RIC1: variants seen among roughly 807,000 people sequenced by gnomAD.
The protein encoded by RIC1 is RIC1 partner of RAB6A GEF complex, also known as guanine nucleotide exchange factor subunit RIC1.
RIC1 carries 88 observed loss-of-function variants against 169.0 expected under a neutral mutation model. That is an observed-to-expected ratio of 0.52 (90% CI 0.44 to 0.62). The LOEUF (loss-of-function observed/expected upper bound fraction) is 0.62. Ranked by LOEUF, RIC1 falls within the 20% of genes least tolerant of loss-of-function variation. RIC1 has a pLI of 0.00. For missense variants in RIC1, 1,877 were observed against 1,725.5 expected, an observed-to-expected ratio of 1.09 and a Z score of -1.56; for synonymous variants, 790 against 601.5, an observed-to-expected ratio of 1.31 and a Z score of -4.59.
chr9:5,640,332 AACAC>A (rs1386122346), intron 1 of RIC1, among the ~76,000 whole-genome samples: 1 of 152,216 alleles, frequency 6.6e-6, no homozygotes, highest in African/African-American at 2.4e-5. Flanking sequence ...TAAGCAGTCA[AACAC>A]ACACAAAGTG....
At chr9:5,663,611 T>G (rs1430126257) in intron 2 of RIC1, among the ~76,000 whole-genome samples, 1 of 152,214 alleles carries the variant, frequency 6.6e-6, no homozygotes, top group Non-Finnish European at 1.5e-5. Context: ...AAGTCTGTTT[T>G]GTGAGAAACT....
chr9:5,769,571 G>A (rs1038078016), intron 22 of RIC1: 1 of 809,082 alleles, frequency 1.2e-6, no homozygotes, highest in Non-Finnish European at 1.8e-6. Context: ...AGGAGTTCTG[G>A]AATCAGATAG....
chr9:5,656,829 G>C, intron 2 of RIC1, 139 bp downstream of exon 2: 1 of 550,784 alleles, frequency 1.8e-6, no homozygotes, highest in South Asian at 3.0e-5. Context: ...TTGCTTTACT[G>C]ATTATTCTAT....
chr9:5,769,766 T>G (rs2131138550), intron 22 of RIC1: 1 of 264,394 alleles, frequency 3.8e-6, no homozygotes, highest in Non-Finnish European at 7.1e-6. Flanking sequence ...AAACCAAAAC[T>G]TTTAACTTTG....
rs1170064287 is a variant in RIC1 at position 5,753,322 on chromosome 9, G to C, written c.1491+84G>C. The C allele has an allele frequency of 5.0e-6, 6 of 1,204,710 alleles. No homozygotes were observed. The Admixed American group carries it at 5.2e-5, about 10-fold the overall frequency. 74.6% of individuals were successfully genotyped at this position (1,204,710 alleles called of 1,614,324 possible). On this transcript the variant is annotated intron_variant, in intron 13 of 25. Transcript: ENST00000414202. ...TTCTGGGAAGAGCCCTTCAGTGGGT[G>C]TACTGAGAAAAATAAAACTCTTGAT...
chr9:5,693,739 T>C (rs185892682), intron 3 of RIC1, among the ~76,000 whole-genome samples: 4 of 152,286 alleles, frequency 2.6e-5, no homozygotes, highest in African/African-American at 9.6e-5. Context: ...GATTTCTAAA[T>C]TGCACATCAT....
intron 1 of RIC1, among the ~76,000 whole-genome samples, chr9:5,650,490 A>T (rs1350043695): frequency 6.6e-6 from 1 of 151,986 alleles, no homozygotes; most frequent in African/African-American, 2.4e-5. Context: ...GTGCATGTCC[A>T]CTGTGGCCCT....
chr9:5,651,434 G>A (rs951915947), intron 1 of RIC1, among the ~76,000 whole-genome samples: 2 of 151,068 alleles, frequency 1.3e-5, no homozygotes, highest in African/African-American at 4.9e-5. Flanking sequence ...TTTTGCTGTT[G>A]TTGCCTGTGC....
intron 21 of RIC1, among the ~76,000 whole-genome samples, chr9:5,768,205 T>C (rs1485389415): frequency 6.6e-6 from 1 of 152,176 alleles, no homozygotes; most frequent in Non-Finnish European, 1.5e-5. Flanking sequence ...AATGAGAGAC[T>C]ATACTTAGGC....
intron 3 of RIC1, among the ~76,000 whole-genome samples, chr9:5,704,547 G>A: frequency 6.6e-6 from 1 of 152,012 alleles, no homozygotes; most frequent in East Asian, 1.9e-4. Flanking sequence ...TTATCTTTGA[G>A]TTATAAGAAT....
chr9:5,725,322 T>C (rs933179522), intron 6 of RIC1, among the ~76,000 whole-genome samples: 2 of 152,242 alleles, frequency 1.3e-5, no homozygotes, highest in East Asian at 1.9e-4. Flanking sequence ...CCATTTCTTC[T>C]AGAGTTTCTA....
rs1253807310 is a variant in RIC1 at position 5,641,747 on chromosome 9, C to T, written c.144+12294C>T. On this transcript the variant is annotated intron_variant, in intron 1 of 25. Coordinates refer to ENST00000414202, the MANE Select transcript of RIC1 (RefSeq NM_020829.4). ...TCAGTTTGTTGGTTGCATTTTTCAA[C>T]TTTAGAATTGCTGCTTGATTTTTAA... Among the ~76,000 whole-genome samples the T allele has an allele frequency of 3.8e-5, 5 of 131,738 alleles. 1 individual carries two copies. Among genetic ancestry groups the T allele is most frequent in the African/African-American group, 1.1e-4 (3 of 28,212 alleles). 86.4% of individuals were successfully genotyped at this position (131,738 alleles called of 152,430 possible). A position where few individuals can be genotyped will look rare whatever the true frequency, so the allele number is the denominator to read the frequency against.
chr9:5,635,607 G>T (rs924792864), intron 1 of RIC1, among the ~76,000 whole-genome samples: 3 of 152,122 alleles, frequency 2.0e-5, no homozygotes, highest in African/African-American at 7.2e-5. Flanking sequence ...TTTGAAATCA[G>T]GTTGATATGG....
At chr9:5,721,088 C>G (rs1451980539) in intron 6 of RIC1, among the ~76,000 whole-genome samples, 2 of 152,142 alleles carry the variant, frequency 1.3e-5, no homozygotes, top group African/African-American at 4.8e-5. Context: ...TTATTGACTT[C>G]TTACTGTTGA....
chr9:5,682,993 G>T (rs1035563479), intron 2 of RIC1, among the ~76,000 whole-genome samples: 1 of 152,090 alleles, frequency 6.6e-6, no homozygotes, highest in African/African-American at 2.4e-5. Flanking sequence ...CGTAGTTCTC[G>T]TGCCATGGGT....
chr9:5,676,545 G>A (rs767689413), intron 2 of RIC1, among the ~76,000 whole-genome samples: 9 of 152,096 alleles, frequency 5.9e-5, no homozygotes, highest in Non-Finnish European at 1.3e-4. Context: ...ACCTGCTCAA[G>A]AATACATGGC....
At chr9:5,635,030 C>T (rs761352568) in intron 1 of RIC1, among the ~76,000 whole-genome samples, 13 of 152,168 alleles carry the variant, frequency 8.5e-5, no homozygotes, top group Non-Finnish European at 1.3e-4. Context: ...CTCACTCTGT[C>T]ACTCTGGAGT....
chr9:5,776,766 G>A (rs547712244), downstream of RIC1, among the ~76,000 whole-genome samples: 8 of 151,830 alleles, frequency 5.3e-5, no homozygotes, highest in South Asian at 6.2e-4. Context: ...AGCCCATGTC[G>A]ATGACATGGA....
intron 7 of RIC1, among the ~76,000 whole-genome samples, chr9:5,735,080 T>C (rs1343962946): frequency 6.6e-6 from 1 of 152,192 alleles, no homozygotes; most frequent in African/African-American, 2.4e-5. Flanking sequence ...GGTTATTATT[T>C]CTCTTTAGTT....
Sources: allele counts gnomAD v4.1 joint callset (sites outside exome capture counted in the v4.1 genomes callset), GRCh38; gene constraint gnomAD v4.1.1; transcripts MANE v1.5; gene names NCBI Gene and HGNC (gene_info 2026-07-23, HGNC 2026-07-21).